Variants in ANKRD11 observed in about 807,000 individuals in gnomAD.
ANKRD11 encodes ankyrin repeat domain 11.
ANKRD11 carries 17 observed loss-of-function variants against 195.7 expected under a neutral mutation model. That is an observed-to-expected ratio of 0.09 (90% CI 0.06 to 0.13). ANKRD11 has a LOEUF of 0.13. Among genes scored for constraint, ANKRD11 ranks in the 10% least tolerant of loss-of-function variants. The pLI is 1.00. For synonymous variants in ANKRD11, 1,953 were observed against 1,528.1 expected, an observed-to-expected ratio of 1.28 and a Z score of -6.49; for missense variants, 3,735 against 3,566.1, an observed-to-expected ratio of 1.05 and a Z score of -1.21.
intron 1 of ANKRD11, among the ~76,000 whole-genome samples, chr16:89,428,721 C>T (rs2042838024): frequency 6.6e-6 from 1 of 151,414 alleles, no homozygotes; most frequent in South Asian, 2.1e-4. Flanking sequence ...TAGTGAAACC[C>T]CGTCTCCACT....
chr16:89,451,092 C>A (rs2044049989), intron 1 of ANKRD11, among the ~76,000 whole-genome samples: 1 of 152,212 alleles, frequency 6.6e-6, no homozygotes, highest in South Asian at 2.1e-4. Context: ...GTAGTTTCAA[C>A]AGAGAAACCT....
At chr16:89,484,522 C>T (rs2057543433) in intron 1 of ANKRD11, among the ~76,000 whole-genome samples, 1 of 152,154 alleles carries the variant, frequency 6.6e-6, no homozygotes, top group South Asian at 2.1e-4. Flanking sequence ...GGAAATACTG[C>T]ATTCCAAAAT....
chr16:89,466,564 A>G (rs1045877063), intron 1 of ANKRD11, among the ~76,000 whole-genome samples: 7 of 152,236 alleles, frequency 4.6e-5, no homozygotes, highest in African/African-American at 1.7e-4. Flanking sequence ...CTGGCATCCA[A>G]CAAAATCACT....
chr16:89,440,797 G>A (rs1455421903), intron 1 of ANKRD11, among the ~76,000 whole-genome samples: 1 of 152,224 alleles, frequency 6.6e-6, no homozygotes. Flanking sequence ...CTCCAAGCCT[G>A]CCGGGACTGA....
intron 1 of ANKRD11, among the ~76,000 whole-genome samples, chr16:89,429,952 G>A (rs1357472417): frequency 6.9e-5 from 7 of 101,686 alleles, no homozygotes; most frequent in Admixed American, 2.0e-4. Context: ...GCGCTCAGAC[G>A]TTCTAGTACA....
At chr16:89,318,357 C>T (rs1177403578) in intron 2 of ANKRD11, among the ~76,000 whole-genome samples, 1 of 152,254 alleles carries the variant, frequency 6.6e-6, no homozygotes, top group Non-Finnish European at 1.5e-5. Context: ...CCCAAAGCCA[C>T]TGTCCCCCCA....
intron 2 of ANKRD11, among the ~76,000 whole-genome samples, chr16:89,353,539 G>A (rs796123113): frequency 1.0e-4 from 15 of 150,740 alleles, no homozygotes; most frequent in African/African-American, 2.7e-4. Flanking sequence ...GTACAGTGGT[G>A]CAATCTCGGC....
chr16:89,365,996 T>G (rs1481169531), intron 2 of ANKRD11, among the ~76,000 whole-genome samples: 1 of 151,998 alleles, frequency 6.6e-6, no homozygotes, highest in Non-Finnish European at 1.5e-5. Flanking sequence ...TTGTTAAGGA[T>G]AAGGGCCTCC....
chr16:89,317,822 G>T (rs1030897905), intron 2 of ANKRD11, among the ~76,000 whole-genome samples: 1 of 152,038 alleles, frequency 6.6e-6, no homozygotes, highest in African/African-American at 2.4e-5. Context: ...TTCTGGCCAG[G>T]GAGAGACTGC....
rs563820296 is a variant in ANKRD11, at chr16:89,480,661, C to G, written c.-145+9584G>C. ...TTTCTATACTCCTTCTAGCAGCAGG[C>G]TTCAACCTCCAAAATCTCTAACCCC... On this transcript the variant is annotated intron_variant, in intron 1 of 12. Coordinates refer to ENST00000301030, the MANE Select transcript of ANKRD11 (RefSeq NM_013275.6). Among the ~76,000 whole-genome samples the G allele has an allele frequency of 2.0e-5, 3 of 152,182 alleles. No homozygotes were observed. In the South Asian group the frequency reaches 6.2e-4, roughly 32 times the overall value.
chr16:89,447,996 G>C (rs2043883123), intron 1 of ANKRD11, among the ~76,000 whole-genome samples: 1 of 151,200 alleles, frequency 6.6e-6, no homozygotes, highest in Non-Finnish European at 1.5e-5. Context: ...GTAGAGACAG[G>C]GTTTCACCAT....
chr16:89,426,529 T>TCACACACACACACACACA lies in ANKRD11; in HGVS notation c.-144-8179_-144-8162dup, dbSNP rs55664494. ...AGAGGCTCTGATGGTCACTTAAACA[T>TCACACACACACACACACA]CACACACACACACACACACACACAC... On this transcript the variant is annotated intron_variant, in intron 1 of 12. Transcript: ENST00000301030. Among the ~76,000 whole-genome samples, 83 of 142,352 alleles carry TCACACACACACACACACA rather than the reference T, an allele frequency of 5.8e-4. 1 individual carries two copies. In the East Asian group the frequency reaches 6.2e-3, roughly 11 times the overall value. The allele number at this position is 142,352 out of a possible 152,430, so 93.4% of individuals were successfully genotyped here.
chr16:89,457,381 G>A (rs2056485899), intron 1 of ANKRD11, among the ~76,000 whole-genome samples: 1 of 151,466 alleles, frequency 6.6e-6, no homozygotes, highest in African/African-American at 2.4e-5. Flanking sequence ...GGCAGATCAT[G>A]CGGTCAGGAG....
At position 89,453,575 on chromosome 16, in the gene ANKRD11, T is replaced by C. The variant is rs911556749; in HGVS notation, c.-144-35207A>G. ...CCAGCTGACCATCACTTGTATTGCA[T>C]ACTTTAAAAAGTGTGGCTAACAGAA... On this transcript the variant is annotated intron_variant, in intron 1 of 12. Coordinates refer to ENST00000301030, the MANE Select transcript of ANKRD11 (RefSeq NM_013275.6). Among the ~76,000 whole-genome samples the C allele has an allele frequency of 1.2e-4, 19 of 152,188 alleles. 1 individual carries two copies. Among genetic ancestry groups the C allele is most frequent in the Admixed American group, 1.2e-3 (18 of 15,272 alleles).
At chr16:89,455,854 T>C (rs982614084) in intron 1 of ANKRD11, among the ~76,000 whole-genome samples, 2 of 152,142 alleles carry the variant, frequency 1.3e-5, no homozygotes, top group Non-Finnish European at 2.9e-5. Flanking sequence ...AACTATGATA[T>C]AACACAGCAA....
At chr16:89,476,008 C>T (rs375970343) in intron 1 of ANKRD11, among the ~76,000 whole-genome samples, 53 of 150,666 alleles carry the variant, frequency 3.5e-4, no homozygotes, top group African/African-American at 1.0e-3. Context: ...GCCAAGATCA[C>T]GCCACTGCAC....
chr16:89,366,966 G>A (rs1314923719), intron 2 of ANKRD11, among the ~76,000 whole-genome samples: 1 of 152,206 alleles, frequency 6.6e-6, no homozygotes, highest in African/African-American at 2.4e-5. Flanking sequence ...CCCACAGGCT[G>A]GATTAGGTCC....
At chr16:89,306,947 GAC>G (rs1312574102) in intron 3 of ANKRD11, among the ~76,000 whole-genome samples, 1 of 151,870 alleles carries the variant, frequency 6.6e-6, no homozygotes, top group African/African-American at 2.4e-5. Flanking sequence ...GAGACGGTGC[GAC>G]ACACACAGCG....
intron 9 of ANKRD11, among the ~76,000 whole-genome samples, chr16:89,275,528 C>T (rs1320695434): frequency 1.3e-5 from 2 of 152,166 alleles, no homozygotes; most frequent in Non-Finnish European, 2.9e-5. Context: ...GGAGATACAG[C>T]GAGACAGCAG....
Sources: allele counts gnomAD v4.1 joint callset (sites outside exome capture counted in the v4.1 genomes callset), GRCh38; gene constraint gnomAD v4.1.1; transcripts MANE v1.5; gene names NCBI Gene and HGNC (gene_info 2026-07-23, HGNC 2026-07-21).